AUTS2: variants seen among roughly 807,000 people sequenced by gnomAD.
AUTS2 encodes activator of transcription and developmental regulator AUTS2.
Under a neutral mutation model 112.4 loss-of-function variants are expected in AUTS2, and 17 were observed. The observed-to-expected ratio is 0.15, with a 90% CI of 0.10 to 0.23. AUTS2 has a LOEUF of 0.23. AUTS2 is among the 10% of genes least tolerant of loss of function. The pLI, the probability that AUTS2 is intolerant of heterozygous loss-of-function variation, is 1.00. For missense variants in AUTS2, 1,510 were observed against 1,701.6 expected, an observed-to-expected ratio of 0.89 and a Z score of 1.98; for synonymous variants, 751 against 702.7, an observed-to-expected ratio of 1.07 and a Z score of -1.09.
intron 5 of AUTS2, among the ~76,000 whole-genome samples, chr7:70,654,994 C>CA (rs1307250848): frequency 6.6e-6 from 1 of 152,226 alleles, no homozygotes; most frequent in Admixed American, 6.5e-5. Flanking sequence ...AAGTGCACTG[C>CA]AAGTTGACTT....
At chr7:69,874,237 A>G (rs1341589792) in intron 1 of AUTS2, among the ~76,000 whole-genome samples, 4 of 150,972 alleles carry the variant, frequency 2.6e-5, no homozygotes, top group African/African-American at 9.7e-5. Context: ...AAAAAAAAAG[A>G]ACAAGAGACG....
intron 1 of AUTS2, among the ~76,000 whole-genome samples, chr7:69,863,481 C>T (rs1793083175): frequency 6.6e-6 from 1 of 152,012 alleles, no homozygotes; most frequent in Non-Finnish European, 1.5e-5. Flanking sequence ...ATATATAGGC[C>T]AGAGATTGGC....
chr7:70,549,730 G>T (rs1242256290), intron 5 of AUTS2, among the ~76,000 whole-genome samples: 2 of 152,276 alleles, frequency 1.3e-5, no homozygotes, highest in East Asian at 3.9e-4. Flanking sequence ...CATTGACTCA[G>T]GTTTCACAGT....
At chr7:69,893,775 G>C (rs183628694) in intron 1 of AUTS2, among the ~76,000 whole-genome samples, 1 of 152,244 alleles carries the variant, frequency 6.6e-6, no homozygotes, top group African/African-American at 2.4e-5. Context: ...TATTGTCTCT[G>C]GCTTCATCTG....
chr7:69,827,065 ACAGGTC>A (rs1791281337), intron 1 of AUTS2, among the ~76,000 whole-genome samples: 1 of 152,190 alleles, frequency 6.6e-6, no homozygotes, highest in Non-Finnish European at 1.5e-5. Context: ...CAGTTACCAG[ACAGGTC>A]CAGGGTGGGA....
At chr7:70,220,485 A>G (rs1811417975) in intron 4 of AUTS2, among the ~76,000 whole-genome samples, 1 of 152,202 alleles carries the variant, frequency 6.6e-6, no homozygotes, top group Admixed American at 6.5e-5. Flanking sequence ...GCTAGAAAGG[A>G]ACCATAGATG....
chr7:70,057,986 T>TCTC (rs1425639237), intron 2 of AUTS2, among the ~76,000 whole-genome samples: 1 of 152,168 alleles, frequency 6.6e-6, no homozygotes, highest in Non-Finnish European at 1.5e-5. Flanking sequence ...GGGTGATATA[T>TCTC]CTATCATGGT....
chr7:70,407,640 C>T (rs528652102), intron 4 of AUTS2, among the ~76,000 whole-genome samples: 14 of 152,142 alleles, frequency 9.2e-5, no homozygotes, highest in African/African-American at 3.4e-4. Flanking sequence ...TATAGTGAGC[C>T]AGGTGGGGTG....
intron 5 of AUTS2, among the ~76,000 whole-genome samples, chr7:70,496,935 C>T (rs1207630646): frequency 4.1e-5 from 6 of 146,150 alleles, no homozygotes; most frequent in Admixed American, 1.4e-4. Context: ...CACAGTCACA[C>T]ACACGCACAC....
intron 4 of AUTS2, among the ~76,000 whole-genome samples, chr7:70,210,685 G>A (rs569867753): frequency 6.6e-6 from 1 of 152,300 alleles, no homozygotes; most frequent in South Asian, 2.1e-4. Flanking sequence ...AGGTTAGCAA[G>A]TGGTAGAAGA....
At chr7:69,982,693 T>A (rs1352651163) in intron 2 of AUTS2, among the ~76,000 whole-genome samples, 1 of 152,200 alleles carries the variant, frequency 6.6e-6, no homozygotes, top group Non-Finnish European at 1.5e-5. Flanking sequence ...TGGTCCTACA[T>A]GTGATAAAAC....
At chr7:69,804,276 T>C (rs1364897625) in intron 1 of AUTS2, among the ~76,000 whole-genome samples, 3 of 152,170 alleles carry the variant, frequency 2.0e-5, no homozygotes, top group Admixed American at 6.5e-5. Flanking sequence ...TACACATCTG[T>C]AGTTTACTCA....
At chr7:69,851,424 A>G (rs1291288124) in intron 1 of AUTS2, among the ~76,000 whole-genome samples, 1 of 152,104 alleles carries the variant, frequency 6.6e-6, no homozygotes, top group African/African-American at 2.4e-5. Flanking sequence ...TTTTATTTTT[A>G]TGTTTTGTAG....
intron 2 of AUTS2, among the ~76,000 whole-genome samples, chr7:69,954,258 T>C (rs958646419): frequency 1.3e-5 from 2 of 152,150 alleles, no homozygotes; most frequent in Non-Finnish European, 2.9e-5. Context: ...GTTAACAATA[T>C]TATATACTCA....
chr7:69,978,562 G>C (rs913621245), intron 2 of AUTS2, among the ~76,000 whole-genome samples: 1 of 152,172 alleles, frequency 6.6e-6, no homozygotes, highest in African/African-American at 2.4e-5. Flanking sequence ...TTATTGGTTG[G>C]ATGCAGTGGC....
intron 1 of AUTS2, among the ~76,000 whole-genome samples, chr7:69,833,996 T>C (rs1791612292): frequency 6.6e-6 from 1 of 152,076 alleles, no homozygotes; most frequent in South Asian, 2.1e-4. Context: ...TTTTGAAAAA[T>C]TTCCAAGGGA....
intron 5 of AUTS2, among the ~76,000 whole-genome samples, chr7:70,692,741 G>A (rs1322121031): frequency 6.7e-6 from 1 of 148,718 alleles, no homozygotes; most frequent in Non-Finnish European, 1.5e-5. Context: ...GGGGAAGTAT[G>A]CCATACAGCA....
intron 5 of AUTS2, among the ~76,000 whole-genome samples, chr7:70,538,384 C>T (rs566392137): frequency 4.0e-4 from 61 of 152,028 alleles, no homozygotes; most frequent in African/African-American, 1.4e-3. Context: ...AAAAATTGGT[C>T]GGGTGTGGTG....
chr7:69,933,796 C>T (rs899619663), intron 2 of AUTS2, among the ~76,000 whole-genome samples: 13 of 152,158 alleles, frequency 8.5e-5, no homozygotes, highest in Admixed American at 8.5e-4. Flanking sequence ...TGAGCCATTG[C>T]ACTTGGCCCT....
Sources: gnomAD v4.1 joint callset for allele counts (sites outside exome capture counted in the v4.1 genomes callset) on GRCh38, gnomAD v4.1.1 for gene constraint, MANE v1.5 for transcripts, NCBI Gene and HGNC (gene_info 2026-07-23, HGNC 2026-07-21) for gene names.